The following DARS1 variants were observed in gnomAD, a reference collection of about 807,000 sequenced individuals.
DARS1 encodes aspartyl-tRNA synthetase 1, also known as aspartate--tRNA ligase, cytoplasmic.
DARS1 carries 51 observed loss-of-function variants against 68.8 expected under a neutral mutation model. The observed-to-expected ratio is 0.74, with a 90% CI of 0.59 to 0.94. The LOEUF is 0.94. Ranked by LOEUF, DARS1 falls within the 40% of genes least tolerant of loss-of-function variation. The pLI, the probability that DARS1 is intolerant of heterozygous loss-of-function variation, is 0.00. For synonymous variants in DARS1, 203 were observed against 190.4 expected (o/e 1.07, Z -0.55); for missense variants, 607 against 597.3 (o/e 1.02, Z -0.17).
chr2:135,982,643 A>G (rs1258903831), intron 2 of DARS1, among the ~76,000 whole-genome samples: 1 of 152,108 alleles, frequency 6.6e-6, no homozygotes, highest in Non-Finnish European at 1.5e-5. Flanking sequence ...ACACTAACAA[A>G]AAAGAGCGGT....
chr2:135,927,391 C>A (rs1281278184), intron 7 of DARS1, among the ~76,000 whole-genome samples: 2 of 151,888 alleles, frequency 1.3e-5, no homozygotes, highest in African/African-American at 4.8e-5. Flanking sequence ...TGTACAAATA[C>A]CTTATATATT....
intron 3 of DARS1, among the ~76,000 whole-genome samples, chr2:135,969,226 T>C (rs951976758): frequency 6.6e-6 from 1 of 152,144 alleles, no homozygotes; most frequent in African/African-American, 2.4e-5. Flanking sequence ...ACACTGTTAA[T>C]TATTTTAAAA....
chr2:135,911,572 G>A, intron 13 of DARS1, 79 bp from the exon 14 acceptor site: 1 of 682,610 alleles, frequency 1.5e-6, no homozygotes, highest in Non-Finnish European at 2.6e-6. Context: ...AATCTCTGCT[G>A]CATGAAGAGC....
chr2:135,923,031 A>G, intron 8 of DARS1, 113 bp from the exon 9 acceptor site: 1 of 1,210,834 alleles, frequency 8.3e-7, no homozygotes, highest in Non-Finnish European at 1.0e-6. Flanking sequence ...AAAACTGGAA[A>G]ATGAAGAATT....
chr2:135,942,439 G>A (rs555879733), intron 5 of DARS1, among the ~76,000 whole-genome samples: 36 of 145,716 alleles, frequency 2.5e-4, no homozygotes, highest in African/African-American at 8.7e-4. Flanking sequence ...TCACTCATAG[G>A]TGGGAATTGA....
intron 5 of DARS1, among the ~76,000 whole-genome samples, chr2:135,942,943 T>G (rs928112240): frequency 2.6e-5 from 4 of 152,208 alleles, no homozygotes; most frequent in African/African-American, 9.6e-5. Context: ...GCTGTGTGAC[T>G]TTGACGAGTG....
At chr2:135,910,924 TACAAG>T (rs1178903467) in intron 15 of DARS1, 5 of 459,198 alleles carry the variant, frequency 1.1e-5, no homozygotes, top group East Asian at 8.0e-5. Flanking sequence ...ATACTCCACT[TACAAG>T]ACATTTGGCT....
chr2:135,982,650 C>T (rs560236478), intron 2 of DARS1, among the ~76,000 whole-genome samples: 3 of 150,974 alleles, frequency 2.0e-5, no homozygotes, highest in South Asian at 2.1e-4. Flanking sequence ...CAAAAAAGAG[C>T]GGTTATAAGA....
chr2:135,969,287 A>G (rs1682312098), intron 3 of DARS1, among the ~76,000 whole-genome samples: 1 of 152,136 alleles, frequency 6.6e-6, no homozygotes, highest in Non-Finnish European at 1.5e-5. Flanking sequence ...ACATACACAC[A>G]TCCAAAATAA....
chr2:135,950,160 CTT>C (rs1269026088), intron 4 of DARS1, among the ~76,000 whole-genome samples: 1 of 152,166 alleles, frequency 6.6e-6, no homozygotes, highest in African/African-American at 2.4e-5. Flanking sequence ...GTTTCTCCCA[CTT>C]TGTTGTGTAT....
chr2:135,945,289 G>C (rs909173423), intron 4 of DARS1, among the ~76,000 whole-genome samples: 2 of 151,994 alleles, frequency 1.3e-5, no homozygotes, highest in Non-Finnish European at 2.9e-5. Flanking sequence ...CACCATGCCT[G>C]GCTAATTTTT....
chr2:135,948,050 G>A (rs947255733), intron 4 of DARS1, among the ~76,000 whole-genome samples: 7 of 152,114 alleles, frequency 4.6e-5, no homozygotes, highest in Non-Finnish European at 7.4e-5. Context: ...TCCCACAAAC[G>A]ATCTGAAAAT....
chr2:135,985,113 T>C lies in DARS1; in HGVS notation c.66+290A>G, dbSNP rs568605563. 15 of 497,988 alleles carry C rather than the reference T, an allele frequency of 3.0e-5. No homozygotes were observed. The South Asian group carries it at 3.4e-4, about 11-fold the overall frequency. The allele number at this position is 497,988 out of a possible 1,614,324, so 30.8% of individuals were successfully genotyped here. A position where few individuals can be genotyped will look rare whatever the true frequency, so the allele number is the denominator to read the frequency against. On this transcript the variant is annotated intron_variant, in intron 1 of 15. Coordinates refer to ENST00000264161, the MANE Select transcript of DARS1 (RefSeq NM_001349.4). ...CGTGCCTAACCCAGAGAGACTCAAGTGTGACGCCGCGCTCCTACTTCCGGG... is the reference window on the plus strand; with the variant it reads ...CGTGCCTAACCCAGAGAGACTCAAGCGTGACGCCGCGCTCCTACTTCCGGG...
At chr2:135,919,351 T>C (rs1681068228) in intron 10 of DARS1, among the ~76,000 whole-genome samples, 1 of 152,306 alleles carries the variant, frequency 6.6e-6, no homozygotes, top group East Asian at 1.9e-4. Flanking sequence ...TTCTTAAACA[T>C]ACTCATTAGC....
intron 10 of DARS1, among the ~76,000 whole-genome samples, chr2:135,917,989 G>C (rs756329992): frequency 3.3e-5 from 5 of 151,930 alleles, no homozygotes; most frequent in Admixed American, 1.3e-4. Flanking sequence ...GAGCTGTCTC[G>C]GCTCTCTGCA....
At position 135,912,499 on chromosome 2, in the gene DARS1, T is replaced by C. The variant is rs781355322; in HGVS notation, c.1217A>G (p.Asp406Gly). 9.2e-6 allele frequency: 10 copies of C among 1,092,156 alleles called. No homozygotes were observed. In the South Asian group the frequency reaches 1.2e-4, roughly 13 times the overall value. 67.7% of individuals were successfully genotyped at this position (1,092,156 alleles called of 1,614,324 possible). ...CAAATTACTTACGGGATTTCTTGGG[T>C]CAGGCATGGTATAGAAAGGTCTTAC... is the stretch of plus-strand genomic sequence containing the variant. ...LAVRPFYTMPDPRNPKQSNSY... is the reference protein window; with the variant it reads ...LAVRPFYTMPGPRNPKQSNSY... Residue 406 changes from aspartate to glycine, a missense_variant, in exon 13 of 16, where the codon GAC becomes GGC. Coordinates refer to ENST00000264161, the MANE Select transcript of DARS1 (RefSeq NM_001349.4).
chr2:135,912,443 C>G, intron 13 of DARS1, 43 bp downstream of exon 13: 2 of 741,958 alleles, frequency 2.7e-6, no homozygotes, highest in Non-Finnish European at 4.8e-6. Flanking sequence ...AATAAAATTT[C>G]CCTTCTGCCT....
chr2:135,970,993 C>T (rs760692909), intron 3 of DARS1, among the ~76,000 whole-genome samples: 2 of 152,118 alleles, frequency 1.3e-5, no homozygotes, highest in African/African-American at 2.4e-5. Context: ...GACCTGATGG[C>T]TTTACTGCTG....
At chr2:135,978,025 C>A (rs1359831941) in intron 3 of DARS1, among the ~76,000 whole-genome samples, 2 of 151,256 alleles carry the variant, frequency 1.3e-5, no homozygotes, top group Admixed American at 1.3e-4. Context: ...TGCCTGTAAT[C>A]CCAGCTACTT....
Sources: allele counts gnomAD v4.1 joint callset (sites outside exome capture counted in the v4.1 genomes callset), GRCh38; gene constraint gnomAD v4.1.1; transcripts MANE v1.5; gene names NCBI Gene and HGNC (gene_info 2026-07-23, HGNC 2026-07-21).